DOCK2: variants seen among roughly 807,000 people sequenced by gnomAD.
The protein encoded by DOCK2 is dedicator of cytokinesis protein 2.
Under a neutral mutation model 248.9 loss-of-function variants are expected in DOCK2, and 87 were observed. The ratio of observed to expected loss-of-function variants is 0.35; its 90% CI spans 0.29 to 0.42. The LOEUF is 0.42. Among genes scored for constraint, DOCK2 ranks in the 10% least tolerant of loss-of-function variants. DOCK2 has a pLI of 1.00. For missense variants in DOCK2, 1,747 were observed against 2,300.2 expected, an observed-to-expected ratio of 0.76 and a Z score of 4.92; for synonymous variants, 805 against 821.6, an observed-to-expected ratio of 0.98 and a Z score of 0.35.
intron 27 of DOCK2, among the ~76,000 whole-genome samples, chr5:169,895,347 C>A (rs1323038060): frequency 6.6e-6 from 1 of 152,086 alleles, no homozygotes; most frequent in Admixed American, 6.5e-5. Flanking sequence ...GTAGAGAGAA[C>A]CACCCAGCCT....
intron 26 of DOCK2, among the ~76,000 whole-genome samples, chr5:169,806,428 C>T (rs1264180679): frequency 1.3e-5 from 2 of 152,128 alleles, no homozygotes; most frequent in East Asian, 3.9e-4. Context: ...GGATTACAAG[C>T]CACCCGGGGA....
intron 27 of DOCK2, among the ~76,000 whole-genome samples, chr5:169,932,831 AAG>A (rs1464221869): frequency 1.3e-5 from 2 of 152,110 alleles, no homozygotes; most frequent in African/African-American, 4.8e-5. Context: ...CTTTTTAAAA[AAG>A]AGATGTGATA....
At chr5:170,064,194 T>C (rs1757420699) in intron 44 of DOCK2, among the ~76,000 whole-genome samples, 1 of 152,116 alleles carries the variant, frequency 6.6e-6, no homozygotes, top group African/African-American at 2.4e-5. Flanking sequence ...AGAGCTGTCT[T>C]ATCTAATGCA....
chr5:169,975,088 A>G (rs528800200), intron 27 of DOCK2, among the ~76,000 whole-genome samples: 1 of 152,304 alleles, frequency 6.6e-6, no homozygotes, highest in South Asian at 2.1e-4. Flanking sequence ...TCAATGTAAA[A>G]CTAAAGTCCA....
At chr5:169,934,529 C>T (rs775361710) in intron 27 of DOCK2, 1 of 405,968 alleles carries the variant, frequency 2.5e-6, no homozygotes, top group East Asian at 7.2e-5. Flanking sequence ...CACATTTCTT[C>T]CAGCCTAATT....
chr5:169,971,496 C>A (rs1161291637), intron 27 of DOCK2, among the ~76,000 whole-genome samples: 4 of 150,152 alleles, frequency 2.7e-5, no homozygotes, highest in African/African-American at 4.9e-5. Flanking sequence ...TTTACAGGAG[C>A]TCATTAATGT....
intron 27 of DOCK2, among the ~76,000 whole-genome samples, chr5:169,902,303 G>A (rs1010740344): frequency 2.0e-5 from 3 of 152,192 alleles, no homozygotes; most frequent in Non-Finnish European, 2.9e-5. Flanking sequence ...GACTGTGGAC[G>A]AGGCCATCTT....
At chr5:169,645,181 A>ACC (rs1757387715) in intron 1 of DOCK2, among the ~76,000 whole-genome samples, 1 of 152,178 alleles carries the variant, frequency 6.6e-6, no homozygotes, top group African/African-American at 2.4e-5. Flanking sequence ...GCTGGGCCAA[A>ACC]TGGTATTTCT....
chr5:169,659,201 G>C (rs1210605501), intron 2 of DOCK2, among the ~76,000 whole-genome samples: 2 of 151,988 alleles, frequency 1.3e-5, no homozygotes, highest in Non-Finnish European at 2.9e-5. Flanking sequence ...GAAGTGAAAA[G>C]AGCACTGGCT....
intron 6 of DOCK2, among the ~76,000 whole-genome samples, chr5:169,680,001 G>A (rs936469704): frequency 2.6e-5 from 4 of 152,122 alleles, no homozygotes; most frequent in African/African-American, 9.7e-5. Flanking sequence ...GGACAACTGA[G>A]GCTCTTCATC....
At chr5:169,677,604 A>G (rs781574992) in intron 6 of DOCK2, among the ~76,000 whole-genome samples, 8 of 152,100 alleles carry the variant, frequency 5.3e-5, no homozygotes, top group African/African-American at 9.7e-5. Context: ...GAGGCATAAA[A>G]CCCAACATGT....
intron 26 of DOCK2, among the ~76,000 whole-genome samples, chr5:169,831,272 A>G (rs1321412901): frequency 1.3e-5 from 2 of 151,956 alleles, no homozygotes; most frequent in African/African-American, 4.8e-5. Context: ...TTTTCTGAAC[A>G]TATTTAGGAT....
At chr5:169,893,120 T>A (rs1773390948) in intron 27 of DOCK2, among the ~76,000 whole-genome samples, 1 of 152,228 alleles carries the variant, frequency 6.6e-6, no homozygotes. Flanking sequence ...TTCCTTTGGC[T>A]ATTCTATGTC....
rs541474527 is a variant in DOCK2 at position 169,850,995 on chromosome 5, A to G, written c.2799+10143A>G. On this transcript the variant is annotated intron_variant, in intron 27 of 51. Coordinates refer to ENST00000520908, the MANE Select transcript of DOCK2 (RefSeq NM_004946.3). ...GTTCGTTGTCCTTGTTTCAGTTACA[A>G]CATTACCACATGTATTGGAATTTTC... 2.9e-4 allele frequency among the ~76,000 whole-genome samples: 44 copies of G among 152,326 alleles called. No individual in the cohort carries two copies. In the South Asian group the frequency reaches 7.0e-3, roughly 24 times the overall value.
At chr5:170,016,096 C>A (rs191626553) in intron 32 of DOCK2, among the ~76,000 whole-genome samples, 11 of 152,304 alleles carry the variant, frequency 7.2e-5, no homozygotes, top group Non-Finnish European at 1.3e-4. Flanking sequence ...ACCCACACCC[C>A]CCTGAGCTCT....
chr5:169,693,231 C>G (rs893472938), intron 9 of DOCK2, among the ~76,000 whole-genome samples: 1 of 152,058 alleles, frequency 6.6e-6, no homozygotes, highest in Non-Finnish European at 1.5e-5. Flanking sequence ...GAGGAAGAGG[C>G]AAGCATTGGA....
chr5:169,855,014 G>C (rs1770815740), intron 27 of DOCK2, among the ~76,000 whole-genome samples: 1 of 152,198 alleles, frequency 6.6e-6, no homozygotes, highest in African/African-American at 2.4e-5. Flanking sequence ...TGGCATCGGA[G>C]TTAGGAGCCC....
At chr5:169,846,518 T>A (rs963916625) in intron 27 of DOCK2, among the ~76,000 whole-genome samples, 1 of 152,118 alleles carries the variant, frequency 6.6e-6, no homozygotes, top group African/African-American at 2.4e-5. Flanking sequence ...GGTAACTTCT[T>A]GTTTACTTAA....
At chr5:169,806,597 G>A (rs771711844) in intron 26 of DOCK2, among the ~76,000 whole-genome samples, 3 of 152,136 alleles carry the variant, frequency 2.0e-5, no homozygotes, top group African/African-American at 4.8e-5. Context: ...CTACCATTTG[G>A]CACACTTTCC....
Sources: gnomAD v4.1 joint callset for allele counts (sites outside exome capture counted in the v4.1 genomes callset) on GRCh38, gnomAD v4.1.1 for gene constraint, MANE v1.5 for transcripts, NCBI Gene and HGNC (gene_info 2026-07-23, HGNC 2026-07-21) for gene names.